The following URB1 variants were observed in gnomAD, a reference collection of about 807,000 sequenced individuals.
URB1 encodes the protein nucleolar pre-ribosomal-associated protein 1.
In URB1, 197 loss-of-function variants were observed where a neutral mutation model predicts 242.3. The observed-to-expected ratio is 0.81, with a 90% CI of 0.72 to 0.91. The LOEUF is 0.91. URB1 is among the 40% of genes least tolerant of loss of function. The pLI, the probability that URB1 is intolerant of heterozygous loss-of-function variation, is 0.00. For synonymous variants in URB1, 1,153 were observed against 1,201.8 expected, an observed-to-expected ratio of 0.96 and a Z score of 0.84; for missense variants, 2,721 against 2,860.5, an observed-to-expected ratio of 0.95 and a Z score of 1.11.
At position 32,385,599 on chromosome 21, in the gene URB1, A is replaced by C. The variant is rs371162432; in HGVS notation, c.228T>G (p.Val76=). ...DVVEGYIKIS[V]ECVEIFQLLS... The stretch of plus-strand genomic sequence containing the variant: ...GGAGCTGGAAAATTTCGACACACTC[A>C]ACAGAAATCTTTATATACCCTTCCA... The change falls in exon 2 of 39, where the codon GTT becomes GTG. Residue 76 remains valine, a synonymous_variant. Coordinates refer to ENST00000382751, the MANE Select transcript of URB1 (RefSeq NM_014825.3). The C allele has an allele frequency of 2.3e-5, 36 of 1,552,010 alleles. No individual in the cohort carries two copies. In the African/African-American group the frequency reaches 4.8e-4, roughly 21 times the overall value.
At chr21:32,355,591 A>G (rs1279896247) in intron 15 of URB1, 26 bp from the exon 16 acceptor site, 13 of 1,533,490 alleles carry the variant, frequency 8.5e-6, no homozygotes, top group Non-Finnish European at 1.1e-5. Context: ...CACCGGTGAA[A>G]AAGTCAGAAC....
chr21:32,327,116 T>G (rs1019965891), intron 30 of URB1, among the ~76,000 whole-genome samples: 1 of 151,922 alleles, frequency 6.6e-6, no homozygotes, highest in African/African-American at 2.4e-5. Context: ...CATAAAACAT[T>G]AAGAATATCA....
intron 14 of URB1, among the ~76,000 whole-genome samples, chr21:32,359,265 C>A (rs1332732017): frequency 1.3e-5 from 2 of 152,114 alleles, no homozygotes. Flanking sequence ...GGCTTAAGCC[C>A]AGCATAAATA....
intron 29 of URB1, among the ~76,000 whole-genome samples, chr21:32,333,756 C>A (rs560205036): frequency 5.9e-5 from 9 of 152,318 alleles, no homozygotes; most frequent in Admixed American, 5.2e-4. Flanking sequence ...TGGAACATTT[C>A]AGATTTGGGA....
Position 32,347,161 on chromosome 21 carries a change from G to A in URB1, c.3663C>T (p.Tyr1221=). 2.6e-6 allele frequency: 4 copies of A among 1,549,168 alleles called. No homozygotes were observed. The highest frequency in any genetic ancestry group is 3.5e-6 in the Non-Finnish European group (4 of 1,146,350). ...CCGCCTGTGTGCGCCGGGCCAGGCA[G>A]TAGTCAAGCAGATCAGCCCCGACTG... ...APAVGADLLD[Y]CLARRTQAAL... Residue 1221 remains tyrosine, a synonymous_variant, in exon 22 of 39, where the codon TAC becomes TAT. Transcript: ENST00000382751.
chr21:32,322,744 A>C (rs901907152), intron 32 of URB1, among the ~76,000 whole-genome samples, 160 bp from the exon 33 acceptor site: 1 of 152,206 alleles, frequency 6.6e-6, no homozygotes, highest in Non-Finnish European at 1.5e-5. Flanking sequence ...ATGAGAACAG[A>C]ATTCAACACG....
chr21:32,358,826 G>A (rs575422957), intron 14 of URB1, among the ~76,000 whole-genome samples: 1 of 152,264 alleles, frequency 6.6e-6, no homozygotes, highest in African/African-American at 2.4e-5. Flanking sequence ...AGAGCTCTAG[G>A]CAGCACCGCC....
At chr21:32,329,744 T>C (rs1225970710) in intron 30 of URB1, among the ~76,000 whole-genome samples, 1 of 152,226 alleles carries the variant, frequency 6.6e-6, no homozygotes, top group African/African-American at 2.4e-5. Flanking sequence ...AATTGGATGC[T>C]CAATTTAGGA....
At chr21:32,389,874 G>C (rs1292143585) in intron 1 of URB1, among the ~76,000 whole-genome samples, 2 of 152,176 alleles carry the variant, frequency 1.3e-5, no homozygotes, top group Non-Finnish European at 2.9e-5. Context: ...AATATCCTCA[G>C]TCCTTACCAA....
intron 35 of URB1, 134 bp downstream of exon 35, chr21:32,320,397 G>T: frequency 1.5e-6 from 1 of 684,142 alleles, no homozygotes; most frequent in Non-Finnish European, 2.4e-6. Context: ...TGGTAGCATT[G>T]GAGGACACTG....
chr21:32,324,341 C>T lies in URB1; in HGVS notation c.5233+150G>A, dbSNP rs1176600021. On this transcript the variant is annotated intron_variant, in intron 32 of 38. Transcript: ENST00000382751. ...TACTGTCCAGAGCTGATGGGGACTT[C>T]GGTGGCTCCTCATCTTCCACAATCA... 9 of 659,806 alleles carry T rather than the reference C, an allele frequency of 1.4e-5. No homozygotes were observed. In the Admixed American group the frequency reaches 1.7e-4, roughly 13 times the overall value. 40.9% of individuals were successfully genotyped at this position (659,806 alleles called of 1,614,324 possible).
intron 28 of URB1, among the ~76,000 whole-genome samples, chr21:32,334,795 A>C (rs1037180971): frequency 6.6e-6 from 1 of 152,176 alleles, no homozygotes; most frequent in Non-Finnish European, 1.5e-5. Context: ...ACATAGCGGC[A>C]GAATTCTGAT....
chr21:32,352,983 C>T (rs970702144), intron 18 of URB1, 77 bp from the exon 19 acceptor site: 7 of 1,428,826 alleles, frequency 4.9e-6, no homozygotes, highest in African/African-American at 2.9e-5. Flanking sequence ...CCACCTTCTT[C>T]CACATACAGG....
chr21:32,321,899 T>TC lies in URB1; in HGVS notation c.5385dup (p.Ile1796AspfsTer3). 6.4e-7 allele frequency: 1 copy of TC among 1,551,628 alleles called. No homozygotes were observed. Among genetic ancestry groups the TC allele is most frequent in the Admixed American group, 2.0e-5 (1 of 51,004 alleles). ...AGTTCGTAGCACTGCTTGTCACGGA[T>TC]CCCCTGCCGCAGAACGCCAAACACC... On this transcript the variant is annotated frameshift_variant, in exon 34 of 39. Transcript: ENST00000382751. LOFTEE classifies it high-confidence loss of function.
At chr21:32,334,930 C>T (rs1568813841) in intron 28 of URB1, among the ~76,000 whole-genome samples, 2 of 152,154 alleles carry the variant, frequency 1.3e-5, no homozygotes, top group Admixed American at 6.5e-5. Context: ...CTGTCAGAGG[C>T]CACCTTGCCT....
chr21:32,358,712 G>A (rs965347293), intron 14 of URB1, among the ~76,000 whole-genome samples: 3 of 152,148 alleles, frequency 2.0e-5, no homozygotes, highest in African/African-American at 7.2e-5. Flanking sequence ...AAGATCCCAT[G>A]AGCCTAGTTG....
At chr21:32,362,952 T>C (rs377549900) in intron 11 of URB1, among the ~76,000 whole-genome samples, 7 of 152,234 alleles carry the variant, frequency 4.6e-5, no homozygotes, top group East Asian at 1.9e-4. Flanking sequence ...TTTGGGATCA[T>C]GCTCTGTGAC....
At chr21:32,371,544 A>C (rs1332184035) in intron 8 of URB1, among the ~76,000 whole-genome samples, 7 of 152,240 alleles carry the variant, frequency 4.6e-5, no homozygotes, top group Non-Finnish European at 1.0e-4. Context: ...AATCACAGTG[A>C]CCTCAGAATC....
intron 20 of URB1, 147 bp downstream of exon 20, chr21:32,350,557 T>A: frequency 2.2e-6 from 2 of 928,026 alleles, no homozygotes; most frequent in South Asian, 3.5e-5. Context: ...AGTTTGCAGC[T>A]GAGGTCTGGA....
Sources: allele counts gnomAD v4.1 joint callset (sites outside exome capture counted in the v4.1 genomes callset), GRCh38; gene constraint gnomAD v4.1.1; transcripts MANE v1.5; gene names NCBI Gene and HGNC (gene_info 2026-07-23, HGNC 2026-07-21).